The following LSAMP variants were observed in gnomAD, a reference collection of about 807,000 sequenced individuals.
LSAMP encodes limbic system-associated membrane protein.
Under a neutral mutation model 38.6 loss-of-function variants are expected in LSAMP, and 7 were observed. The ratio of observed to expected loss-of-function variants is 0.18; its 90% CI spans 0.10 to 0.34. LSAMP has a LOEUF of 0.34. Among genes scored for constraint, LSAMP ranks in the 10% least tolerant of loss-of-function variants. LSAMP has a pLI of 1.00. For missense variants in LSAMP, 313 were observed against 420.0 expected, an observed-to-expected ratio of 0.75 and a Z score of 2.23; for synonymous variants, 154 against 166.8, an observed-to-expected ratio of 0.92 and a Z score of 0.59.
chr3:116,196,725 T>C (rs538171856), intron 1 of LSAMP, among the ~76,000 whole-genome samples: 2 of 152,196 alleles, frequency 1.3e-5, no homozygotes, highest in African/African-American at 2.4e-5. Context: ...CTAGTTCCTG[T>C]TATGGGTAAA....
intron 3 of LSAMP, among the ~76,000 whole-genome samples, chr3:115,891,393 G>A (rs149367397): frequency 2.5e-4 from 38 of 152,094 alleles, no homozygotes; most frequent in Admixed American, 6.6e-4. Context: ...AAACAAGCCT[G>A]GGCTGGCCTG....
At chr3:116,102,917 G>A (rs1708379814) in intron 1 of LSAMP, among the ~76,000 whole-genome samples, 2 of 151,962 alleles carry the variant, frequency 1.3e-5, no homozygotes, top group African/African-American at 4.8e-5. Context: ...ATACATTATT[G>A]TCTTTTATAC....
intron 1 of LSAMP, among the ~76,000 whole-genome samples, chr3:116,166,910 C>A (rs1052694011): frequency 4.2e-4 from 64 of 151,052 alleles, no homozygotes; most frequent in African/African-American, 1.5e-3. Context: ...CCTGCCTCAG[C>A]CTCCCAAGTA....
At chr3:116,417,339 C>T (rs1168524161) in intron 1 of LSAMP, among the ~76,000 whole-genome samples, 1 of 152,186 alleles carries the variant, frequency 6.6e-6, no homozygotes, top group Admixed American at 6.5e-5. Flanking sequence ...GTCCTAGCCA[C>T]GTGGAAACCC....
At chr3:116,285,807 C>T (rs985593253) in intron 1 of LSAMP, among the ~76,000 whole-genome samples, 1 of 152,100 alleles carries the variant, frequency 6.6e-6, no homozygotes, top group African/African-American at 2.4e-5. Context: ...CACCCCACTA[C>T]ACAAAACAGT....
intron 1 of LSAMP, among the ~76,000 whole-genome samples, chr3:116,376,056 G>T: frequency 6.6e-6 from 1 of 152,008 alleles, no homozygotes; most frequent in East Asian, 1.9e-4. Flanking sequence ...TAGTACAGCA[G>T]CATGAACTTT....
chr3:115,918,477 G>C (rs1937303586), intron 3 of LSAMP, among the ~76,000 whole-genome samples: 1 of 152,126 alleles, frequency 6.6e-6, no homozygotes, highest in African/African-American at 2.4e-5. Flanking sequence ...GGTGGGAGAA[G>C]GGGGCATTTT....
At chr3:116,383,927 G>C (rs747711158) in intron 1 of LSAMP, among the ~76,000 whole-genome samples, 2 of 152,052 alleles carry the variant, frequency 1.3e-5, no homozygotes, top group African/African-American at 4.8e-5. Context: ...GCCATAGTTG[G>C]CTCATTAGTG....
At chr3:116,043,525 AGT>A (rs763058659) in intron 2 of LSAMP, among the ~76,000 whole-genome samples, 2 of 152,230 alleles carry the variant, frequency 1.3e-5, no homozygotes, top group Non-Finnish European at 2.9e-5. Context: ...GCAGCATCAC[AGT>A]GTGAAATGCT....
intron 3 of LSAMP, among the ~76,000 whole-genome samples, chr3:115,974,798 C>A (rs1939132437): frequency 6.6e-6 from 1 of 152,008 alleles, no homozygotes; most frequent in African/African-American, 2.4e-5. Flanking sequence ...GGGCTGGATT[C>A]TGTTTAGCCC....
At chr3:116,170,326 G>T (rs1172203208) in intron 1 of LSAMP, among the ~76,000 whole-genome samples, 4 of 151,988 alleles carry the variant, frequency 2.6e-5, no homozygotes, top group Non-Finnish European at 5.9e-5. Context: ...ATTGCTTAGT[G>T]GCATAAGATA....
intron 1 of LSAMP, among the ~76,000 whole-genome samples, chr3:116,194,262 G>T (rs1057124837): frequency 6.6e-6 from 1 of 152,038 alleles, no homozygotes; most frequent in Non-Finnish European, 1.5e-5. Flanking sequence ...TGCAGAGAAG[G>T]GTCGAGGAGC....
intron 3 of LSAMP, among the ~76,000 whole-genome samples, chr3:115,868,680 T>G (rs1935929387): frequency 6.6e-6 from 1 of 152,130 alleles, no homozygotes; most frequent in Non-Finnish European, 1.5e-5. Flanking sequence ...ATATTTAAAA[T>G]GAGGTTGAAG....
intron 1 of LSAMP, among the ~76,000 whole-genome samples, chr3:116,266,777 G>T (rs539694214): frequency 6.6e-6 from 1 of 152,202 alleles, no homozygotes; most frequent in South Asian, 2.1e-4. Flanking sequence ...AAATGAAAAA[G>T]ATTAGTTATA....
At chr3:116,305,232 G>A (rs1422763075) in intron 1 of LSAMP, among the ~76,000 whole-genome samples, 1 of 152,012 alleles carries the variant, frequency 6.6e-6, no homozygotes, top group Non-Finnish European at 1.5e-5. Flanking sequence ...GGAACAGCTG[G>A]TAGATTTCAT....
chr3:115,991,808 C>T (rs1202149777), intron 3 of LSAMP, among the ~76,000 whole-genome samples: 1 of 152,104 alleles, frequency 6.6e-6, no homozygotes, highest in African/African-American at 2.4e-5. Flanking sequence ...ATGCCACGGA[C>T]TGCACTGCAG....
intron 3 of LSAMP, among the ~76,000 whole-genome samples, chr3:115,904,111 CA>C (rs957751464): frequency 1.3e-5 from 2 of 151,308 alleles, no homozygotes; most frequent in Non-Finnish European, 2.9e-5. Flanking sequence ...CGACGGTAGT[CA>C]AAAAAAGTGA....
chr3:116,037,459 C>G (rs1042263750), intron 2 of LSAMP, among the ~76,000 whole-genome samples: 2 of 152,066 alleles, frequency 1.3e-5, no homozygotes, highest in Admixed American at 6.6e-5. Flanking sequence ...CATACTTTCT[C>G]TGACTCTCAG....
chr3:115,835,081 T>C (rs1281156698), intron 6 of LSAMP, among the ~76,000 whole-genome samples: 2 of 152,182 alleles, frequency 1.3e-5, no homozygotes, highest in Non-Finnish European at 2.9e-5. Context: ...AAATTTACTG[T>C]GGACAATACT....
Sources: gnomAD v4.1 joint callset for allele counts (sites outside exome capture counted in the v4.1 genomes callset) on GRCh38, gnomAD v4.1.1 for gene constraint, MANE v1.5 for transcripts, NCBI Gene and HGNC (gene_info 2026-07-23, HGNC 2026-07-21) for gene names.